PLSCR5: variants seen among roughly 807,000 people sequenced by gnomAD.
The protein encoded by PLSCR5 is phospholipid scramblase family, member 5.
A neutral mutation model predicts 33.6 loss-of-function variants in PLSCR5; 44 were observed. The ratio of observed to expected loss-of-function variants is 1.31; its 90% CI spans 1.03 to 1.69. The LOEUF is 1.69. PLSCR5 is among the 40% of genes most tolerant of loss of function. The pLI is 0.00. For missense variants in PLSCR5, 375 were observed against 318.7 expected (o/e 1.18, Z -1.34); for synonymous variants, 148 against 112.3 (o/e 1.32, Z -2.01).
At chr3:146,579,233 G>C (rs1283449127) in intron 7 of PLSCR5, among the ~76,000 whole-genome samples, 3 of 151,880 alleles carry the variant, frequency 2.0e-5, no homozygotes, top group Non-Finnish European at 4.4e-5. Flanking sequence ...ACAATGTAAG[G>C]AGAAATGATA....
At chr3:146,605,021 A>C (rs1325552639) in intron 1 of PLSCR5, among the ~76,000 whole-genome samples, 179 bp downstream of exon 1, 1 of 152,140 alleles carries the variant, frequency 6.6e-6, no homozygotes, top group Non-Finnish European at 1.5e-5. Context: ...TGTCAGATAA[A>C]GTGTTTTTAC....
rs565690995 is a variant in PLSCR5, at chr3:146,602,131, C to T, written c.14-1668G>A. 2.6e-5 allele frequency among the ~76,000 whole-genome samples: 4 copies of T among 152,094 alleles called. No homozygotes were observed. The East Asian group carries it at 7.7e-4, about 29-fold the overall frequency. ...ATAGCAGTTTGGTTTCCGCAAGTAC[C>T]CCCACCCTGAACTTCTCACACATCT... On this transcript the variant is annotated intron_variant, in intron 1 of 7. Coordinates refer to ENST00000443512, the MANE Select transcript of PLSCR5 (RefSeq NM_001085420.2).
chr3:146,579,870 A>G (rs148202142), intron 7 of PLSCR5, among the ~76,000 whole-genome samples: 1 of 152,328 alleles, frequency 6.6e-6, no homozygotes, highest in Non-Finnish European at 1.5e-5. Context: ...GACCTCATTA[A>G]GCACATTCTG....
chr3:146,596,516 A>G (rs2044762817), intron 2 of PLSCR5, among the ~76,000 whole-genome samples: 1 of 152,188 alleles, frequency 6.6e-6, no homozygotes, highest in Admixed American at 6.5e-5. Flanking sequence ...TCAATCTGAT[A>G]TTCAGTACTT....
chr3:146,594,132 C>G lies in PLSCR5; in HGVS notation c.241G>C (p.Gly81Arg). The G allele has an allele frequency of 6.2e-7, 1 of 1,609,776 alleles. No homozygotes were observed. The highest frequency in any genetic ancestry group is 8.5e-7 in the Non-Finnish European group (1 of 1,177,448). Residue 81 changes from glycine to arginine, a missense_variant, in exon 4 of 8, where the codon GGT becomes CGT. Physicochemically the swap from Gly to Arg is moderately radical, Grantham distance 125. Transcript: ENST00000443512. ...TCATATTTGTTGGAGGTCTCAGTAC[C>G]AAGTATCACTAATGGAACAAAAAAA... Reference protein sequence around the residue: ...QQVELLGMILGTETSNKYEIK... With the variant: ...QQVELLGMILRTETSNKYEIK...
intron 2 of PLSCR5, among the ~76,000 whole-genome samples, chr3:146,596,572 T>A (rs1278197307): frequency 6.6e-6 from 1 of 152,204 alleles, no homozygotes; most frequent in Non-Finnish European, 1.5e-5. Context: ...ATGCTGCTGA[T>A]CATTGTATTT....
chr3:146,591,801 G>C lies in PLSCR5; in HGVS notation c.534C>G (p.Ile178Met), dbSNP rs756037414. ...KWDPFLPKFT[I>M]QNANKEDILK... ...AAATATCTTCTTTGTTTGCATTTTG[G>C]ATTGTGAATTTAGGCAGAAAGGGGT... is the stretch of plus-strand genomic sequence containing the variant. The change falls in exon 5 of 8, where the codon ATC (isoleucine) becomes ATG (methionine). Residue 178 changes from isoleucine to methionine, a missense_variant. By Grantham distance (10) the Ile-to-Met change is conservative. Transcript: ENST00000443512. 2 of 1,612,088 alleles carry C rather than the reference G, an allele frequency of 1.2e-6. No homozygotes were observed. Among genetic ancestry groups the C allele is most frequent in the East Asian group, 4.5e-5 (2 of 44,810 alleles).
intron 2 of PLSCR5, among the ~76,000 whole-genome samples, chr3:146,596,916 A>C (rs1183660965): frequency 1.3e-5 from 2 of 152,184 alleles, no homozygotes; most frequent in East Asian, 3.8e-4. Context: ...AACAATAATA[A>C]GAAAGCTTTT....
intron 2 of PLSCR5, among the ~76,000 whole-genome samples, chr3:146,597,987 G>A (rs111523568): frequency 6.6e-6 from 1 of 151,898 alleles, no homozygotes; most frequent in African/African-American, 2.4e-5. Flanking sequence ...AAATGTTATT[G>A]ACTGTATGAA....
Position 146,586,129 on chromosome 3 carries a change from T to G in PLSCR5, c.778-17A>C, listed in dbSNP as rs1222595980. 4.1e-6 allele frequency: 6 copies of G among 1,451,988 alleles called. No individual in the cohort carries two copies. The African/African-American group carries it at 8.8e-5, about 21-fold the overall frequency. 89.9% of individuals were successfully genotyped at this position (1,451,988 alleles called of 1,614,324 possible). On this transcript the variant is annotated splice_polypyrimidine_tract_variant and intron_variant, in intron 6 of 7. Coordinates refer to ENST00000443512, the MANE Select transcript of PLSCR5 (RefSeq NM_001085420.2). ...CATAAAATCCTACAAATAAGTAAAC[T>G]GAATATAAGTGAATTTACAAAAAGA...
At chr3:146,576,633 A>T (rs998834211) in exon 8 of PLSCR5, 15 of 151,992 alleles carry the variant, frequency 9.9e-5, no homozygotes, top group African/African-American at 3.4e-4. Flanking sequence ...GTCATCTCTG[A>T]TGTTATGCAC....
intron 1 of PLSCR5, among the ~76,000 whole-genome samples, chr3:146,604,466 T>C (rs1326587560): frequency 6.6e-6 from 1 of 152,150 alleles, no homozygotes; most frequent in Non-Finnish European, 1.5e-5. Flanking sequence ...TTGTTTTCTA[T>C]CTTTAATTTA....
At chr3:146,582,730 A>G (rs968492594), downstream of PLSCR5, among the ~76,000 whole-genome samples, 3 of 152,212 alleles carry the variant, frequency 2.0e-5, no homozygotes, top group Non-Finnish European at 2.9e-5. Context: ...ACCAGGTTAA[A>G]AGGATGAAAG....
At position 146,594,188 on chromosome 3, in the gene PLSCR5, T is replaced by C. The variant is rs187899987; in HGVS notation, c.233-48A>G. On this transcript the variant is annotated intron_variant, in intron 3 of 7. Coordinates refer to ENST00000443512, the MANE Select transcript of PLSCR5 (RefSeq NM_001085420.2). ...ATAAAAACATTTTTTTCCTTAGTATTGATAACTTTAAATAAAGGGGAGATG... is the reference window on the plus strand; with the variant it reads ...ATAAAAACATTTTTTTCCTTAGTATCGATAACTTTAAATAAAGGGGAGATG... The C allele has an allele frequency of 8.6e-6, 12 of 1,389,040 alleles. No homozygotes were observed. In the Admixed American group the frequency reaches 1.4e-4, roughly 17 times the overall value. The allele number at this position is 1,389,040 out of a possible 1,614,324, so 86.0% of individuals were successfully genotyped here.
rs188053333 is a variant in PLSCR5, at chr3:146,580,706, G to A, written c.*45-3981C>T. On this transcript the variant is annotated intron_variant, in intron 7 of 7. Coordinates refer to the PLSCR5 transcript ENST00000482567. Reference sequence around the variant, plus strand: ...GAGAACTCCTGAGCTCAGGCAAGCCGCCCGCCTTGGCCTCTCAAAGTGCTG... The same window carrying A: ...GAGAACTCCTGAGCTCAGGCAAGCCACCCGCCTTGGCCTCTCAAAGTGCTG... Among the ~76,000 whole-genome samples, 71 of 152,110 alleles carry A rather than the reference G, an allele frequency of 4.7e-4. 2 individuals are homozygous for A. The highest frequency in any genetic ancestry group is 2.9e-3 in the South Asian group (14 of 4,818).
At chr3:146,590,169 G>A (rs2107851134) in intron 5 of PLSCR5, 1 of 160,894 alleles carries the variant, frequency 6.2e-6, no homozygotes, top group South Asian at 2.0e-4. Context: ...TTTACTTGAG[G>A]TCCAGATTTT....
intron 1 of PLSCR5, among the ~76,000 whole-genome samples, chr3:146,604,978 T>G (rs987479380): frequency 3.9e-5 from 6 of 152,154 alleles, no homozygotes; most frequent in Non-Finnish European, 8.8e-5. Flanking sequence ...TCATGATAAC[T>G]AAAACATCGT....
At chr3:146,599,009 A>G (rs1046308918) in intron 2 of PLSCR5, among the ~76,000 whole-genome samples, 2 of 152,200 alleles carry the variant, frequency 1.3e-5, no homozygotes, top group Non-Finnish European at 2.9e-5. Context: ...GATAAAGGAG[A>G]TAGACTTTAT....
chr3:146,590,429 C>G (rs943446012), intron 5 of PLSCR5: 1 of 151,978 alleles, frequency 6.6e-6, no homozygotes. Context: ...AAAAAATCCT[C>G]CTGGTTAATG....
Sources: allele counts gnomAD v4.1 joint callset (sites outside exome capture counted in the v4.1 genomes callset), GRCh38; gene constraint gnomAD v4.1.1; transcripts MANE v1.5; gene names NCBI Gene and HGNC (gene_info 2026-07-23, HGNC 2026-07-21).